ATP2B3: variants seen among roughly 807,000 people sequenced by gnomAD.
ATP2B3 encodes ATPase plasma membrane Ca2+ transporting 3.
ATP2B3 carries 12 observed loss-of-function variants against 70.8 expected under a neutral mutation model. The ratio of observed to expected loss-of-function variants is 0.17; its 90% CI spans 0.11 to 0.27. The LOEUF (loss-of-function observed/expected upper bound fraction) is 0.27. Among genes scored for constraint, ATP2B3 ranks in the 10% least tolerant of loss-of-function variants. The probability of loss-of-function intolerance (pLI) is 1.00; values close to 1 mark genes in which losing one functional copy is unlikely to be tolerated. For missense variants in ATP2B3, 858 were observed against 1,118.5 expected, an observed-to-expected ratio of 0.77 and a Z score of 3.32; for synonymous variants, 460 against 497.8, an observed-to-expected ratio of 0.92 and a Z score of 1.01.
rs1427558556 is a variant in ATP2B3 at position 153,581,251 on chromosome X, T to C, written c.*953T>C. 2 of 111,171 alleles carry C rather than the reference T, an allele frequency of 1.8e-5. No individual in the cohort carries two copies. Among genetic ancestry groups the C allele is most frequent in the East Asian group, 2.8e-4 (1 of 3,542 alleles). The allele number at this position is 111,171 out of a possible 1,213,427, so 9.2% of individuals were successfully genotyped here. The stretch of plus-strand genomic sequence containing the variant: ...GGGCGCTCCAGGTCTGGAGCAGGTA[T>C]AATTGGAGCATTTGCACTGAGACCC... On this transcript the variant is annotated 3_prime_UTR_variant, in exon 22 of 22. Coordinates refer to ENST00000263519, the MANE Select transcript of ATP2B3 (RefSeq NM_001001344.3).
At chrX:153,573,312 C>T (rs1829645046) in intron 21 of ATP2B3, among the ~76,000 whole-genome samples, 1 of 112,510 alleles carries the variant, frequency 8.9e-6, no homozygotes, top group South Asian at 3.7e-4. Flanking sequence ...GGGCCCAGGG[C>T]GACATGCTCA....
Position 153,547,744 on chromosome X carries a change from G to C in ATP2B3, c.959-91G>C, listed in dbSNP as rs782713089. 3 of 1,026,867 alleles carry C rather than the reference G, an allele frequency of 2.9e-6. No individual in the cohort carries two copies. The East Asian group carries it at 9.6e-5, about 33-fold the overall frequency. 84.6% of individuals were successfully genotyped at this position (1,026,867 alleles called of 1,213,427 possible). A position where few individuals can be genotyped will look rare whatever the true frequency, so the allele number is the denominator to read the frequency against. On this transcript the variant is annotated intron_variant, in intron 8 of 21. Coordinates refer to ENST00000263519, the MANE Select transcript of ATP2B3 (RefSeq NM_001001344.3). ...CACTGAATCCCGTCTCCTCTCTATG[G>C]TGTGGCATGTCTTTCCCCCACAAAA... is the stretch of plus-strand genomic sequence containing the variant.
At chrX:153,531,573 C>A (rs1464535268) in intron 2 of ATP2B3, among the ~76,000 whole-genome samples, 1 of 112,832 alleles carries the variant, frequency 8.9e-6, no homozygotes, top group South Asian at 3.6e-4. Context: ...CCCAGGTAGG[C>A]CCCCAGGCGT....
At chrX:153,578,624 C>T (rs1430342274) in intron 21 of ATP2B3, among the ~76,000 whole-genome samples, 2 of 112,547 alleles carry the variant, frequency 1.8e-5, no homozygotes, top group South Asian at 3.7e-4. Context: ...TAAGGGCTGC[C>T]GTGCGCTCAG....
In ATP2B3 at chrX:153,553,240, G is replaced by A. The variant is rs781901998; in HGVS notation, c.2029G>A (p.Val677Met). Residue 677 changes from valine (V) to methionine (M), a missense_variant, in exon 13 of 22, where the codon GTG becomes ATG. Val to Met is a conservative substitution (Grantham distance 21). Coordinates refer to ENST00000263519, the MANE Select transcript of ATP2B3 (RefSeq NM_001001344.3). ...GGGTGACCTCACCTGCATAGCTGTC[G>A]TGGGCATTGAGGACCCTGTGCGGCC... is the stretch of plus-strand genomic sequence containing the variant. ...VVGDLTCIAV[V>M]GIEDPVRPEV... 14 of 1,206,603 alleles carry A rather than the reference G, an allele frequency of 1.2e-5. No individual in the cohort carries two copies. Among genetic ancestry groups the A allele is most frequent in the Middle Eastern group, 2.3e-4 (1 of 4,363 alleles).
intron 7 of ATP2B3, among the ~76,000 whole-genome samples, chrX:153,545,851 G>A (rs1360325425): frequency 2.7e-5 from 3 of 111,929 alleles, no homozygotes; most frequent in African/African-American, 9.8e-5. Flanking sequence ...TGGCTTTAGG[G>A]GTTCACTGTA....
At chrX:153,561,721 A>G (rs2090627584) in intron 19 of ATP2B3, among the ~76,000 whole-genome samples, 1 of 112,545 alleles carries the variant, frequency 8.9e-6, no homozygotes, top group Admixed American at 9.3e-5. Flanking sequence ...AGTCCAACAG[A>G]GGACGGGGTC....
At chrX:153,565,149 G>T (rs782395742) in intron 21 of ATP2B3, 46 bp downstream of exon 21, 1 of 1,130,488 alleles carries the variant, frequency 8.8e-7, no homozygotes, top group Non-Finnish European at 1.2e-6. Flanking sequence ...CCCCAAGAGG[G>T]TAGAGGCAAG....
chrX:153,534,672 C>T (rs1358958628), intron 2 of ATP2B3, among the ~76,000 whole-genome samples: 3 of 113,121 alleles, frequency 2.7e-5, no homozygotes, highest in East Asian at 2.8e-4. Flanking sequence ...CAAGACAGGG[C>T]GGGGAGAGGT....
intron 16 of ATP2B3, among the ~76,000 whole-genome samples, chrX:153,557,246 G>C (rs1189381306): frequency 8.9e-6 from 1 of 112,139 alleles, no homozygotes; most frequent in Non-Finnish European, 1.9e-5. Context: ...GGTGACAGTG[G>C]GCCCCAGACA....
intron 2 of ATP2B3, among the ~76,000 whole-genome samples, chrX:153,520,185 GCTCC>G (rs782478667): frequency 1.2e-3 from 134 of 112,840 alleles, no homozygotes; most frequent in African/African-American, 4.2e-3. Context: ...CAGAACGTCT[GCTCC>G]CAGCCCAGGG....
chrX:153,558,001 T>C (rs1280491723), intron 16 of ATP2B3, 111 bp from the exon 17 acceptor site: 26 of 751,052 alleles, frequency 3.5e-5, no homozygotes, highest in Non-Finnish European at 4.5e-5. Flanking sequence ...GGTGGGATGT[T>C]ATTCAGAAGG....
chrX:153,557,454 G>A (rs782672769), intron 16 of ATP2B3, among the ~76,000 whole-genome samples: 3 of 112,358 alleles, frequency 2.7e-5, no homozygotes, highest in East Asian at 5.6e-4. Flanking sequence ...GGCTGGTTGC[G>A]GCCCCTCAGT....
At chrX:153,548,288 C>A (rs5987085) in intron 9 of ATP2B3, among the ~76,000 whole-genome samples, 7,623 of 111,914 alleles carry the variant, frequency 0.068, 295 homozygotes, top group African/African-American at 0.13. Context: ...CCCCTGGCAC[C>A]CTCAAAAGGC....
chrX:153,553,534 C>T (rs182378324), intron 13 of ATP2B3, among the ~76,000 whole-genome samples: 4 of 112,021 alleles, frequency 3.6e-5, no homozygotes, highest in East Asian at 2.8e-4. Flanking sequence ...GAGAGACCGT[C>T]GACATTTGGG....
At position 153,558,225 on chromosome X, in the gene ATP2B3, C is replaced by T; in HGVS notation, c.2547C>T (p.Ile849=). 1.7e-6 allele frequency: 2 copies of T among 1,211,880 alleles called. No individual in the cohort carries two copies. The highest frequency in any genetic ancestry group is 2.2e-6 in the Non-Finnish European group (2 of 895,520). The change falls in exon 17 of 22, where the codon ATC becomes ATT. Residue 849 remains isoleucine (I), a synonymous_variant. Transcript: ENST00000263519. The part of the protein sequence containing the change: ...VMWGRNVYDS[I]SKFLQFQLTV... ...GGGGCCGTAACGTCTATGACAGCAT[C>T]TCCAAGTTCCTGCAGTTTCAACTGA... is the stretch of plus-strand genomic sequence containing the variant.
At chrX:153,529,757 C>T (rs1435858342) in intron 2 of ATP2B3, among the ~76,000 whole-genome samples, 1 of 111,508 alleles carries the variant, frequency 9.0e-6, no homozygotes, top group Non-Finnish European at 1.9e-5. Context: ...TTCCACTGTC[C>T]GTCCCCTCAG....
At chrX:153,535,164 C>T (rs2090172617) in intron 2 of ATP2B3, among the ~76,000 whole-genome samples, 1 of 113,046 alleles carries the variant, frequency 8.8e-6, no homozygotes, top group African/African-American at 3.2e-5. Context: ...GAAGGGGCAG[C>T]CTGGGCCCTA....
In ATP2B3 at chrX:153,525,287, C is replaced by T. The variant is rs181604969; in HGVS notation, c.-127+6736C>T. Among the ~76,000 whole-genome samples, 30 of 112,418 alleles carry T rather than the reference C, an allele frequency of 2.7e-4. No individual in the cohort carries two copies. The East Asian group carries it at 6.2e-3, about 23-fold the overall frequency. ...AATCAAACCCTGAACCGGGTTAAGG[C>T]GCATGGAGTGGCCGGTTCGAAACTG... On this transcript the variant is annotated intron_variant, in intron 2 of 21. Transcript: ENST00000263519.
Sources: gnomAD v4.1 joint callset for allele counts (sites outside exome capture counted in the v4.1 genomes callset) on GRCh38, gnomAD v4.1.1 for gene constraint, MANE v1.5 for transcripts, NCBI Gene and HGNC (gene_info 2026-07-23, HGNC 2026-07-21) for gene names.